The following CDKAL1 variants were observed in gnomAD, a reference collection of about 807,000 sequenced individuals.
CDKAL1 encodes CDKAL1 threonylcarbamoyladenosine tRNA methylthiotransferase.
A neutral mutation model predicts 68.2 loss-of-function variants in CDKAL1; 32 were observed. That is an observed-to-expected ratio of 0.47 (90% CI 0.35 to 0.63). CDKAL1 has a LOEUF of 0.63. Ranked by LOEUF, CDKAL1 falls within the 30% of genes least tolerant of loss-of-function variation. CDKAL1 has a pLI of 0.00. For missense variants in CDKAL1, 606 were observed against 696.7 expected (o/e 0.87, Z 1.47); for synonymous variants, 234 against 244.3 (o/e 0.96, Z 0.39).
intron 9 of CDKAL1, among the ~76,000 whole-genome samples, chr6:20,953,912 C>T (rs1390183608): frequency 6.6e-6 from 1 of 152,064 alleles, no homozygotes; most frequent in Admixed American, 6.6e-5. Context: ...ATGTATTGAG[C>T]TTTTTATTTT....
intron 5 of CDKAL1, among the ~76,000 whole-genome samples, chr6:20,703,538 A>G (rs1221133234): frequency 1.3e-5 from 2 of 152,160 alleles, no homozygotes; most frequent in African/African-American, 2.4e-5. Flanking sequence ...AAAAATATAT[A>G]TATAGCTATT....
At chr6:20,587,709 G>T (rs1472951296) in intron 4 of CDKAL1, among the ~76,000 whole-genome samples, 1 of 152,028 alleles carries the variant, frequency 6.6e-6, no homozygotes, top group African/African-American at 2.4e-5. Flanking sequence ...CTCCAGCCTG[G>T]GCAACAGAGT....
At chr6:20,776,237 G>T (rs746981035) in intron 7 of CDKAL1, among the ~76,000 whole-genome samples, 1 of 152,152 alleles carries the variant, frequency 6.6e-6, no homozygotes, top group East Asian at 1.9e-4. Flanking sequence ...AGTCATTATT[G>T]AATTCTTGGC....
intron 11 of CDKAL1, among the ~76,000 whole-genome samples, chr6:21,008,538 G>A (rs1376791417): frequency 6.6e-6 from 1 of 152,124 alleles, no homozygotes; most frequent in African/African-American, 2.4e-5. Flanking sequence ...ACTGGGCTGG[G>A]GGCTCTGGAG....
intron 8 of CDKAL1, among the ~76,000 whole-genome samples, chr6:20,784,668 G>A (rs893398754): frequency 2.6e-5 from 4 of 151,278 alleles, no homozygotes; most frequent in African/African-American, 7.3e-5. Flanking sequence ...TGTGATCCAC[G>A]CACCTCGGTC....
intron 10 of CDKAL1, among the ~76,000 whole-genome samples, chr6:20,974,723 A>G (rs556512367): frequency 6.6e-6 from 1 of 152,038 alleles, no homozygotes; most frequent in East Asian, 1.9e-4. Context: ...TCGTGCTTGT[A>G]ATCCCAGCAC....
chr6:20,700,398 G>A lies in CDKAL1; in HGVS notation c.372-39121G>A, dbSNP rs370730905. ...TAAATAAAAGTTAAACTGAATGATA[G>A]TGACTCCCCTAACATGTGTGCCTTA... On this transcript the variant is annotated intron_variant, in intron 5 of 15. Coordinates refer to ENST00000274695, the MANE Select transcript of CDKAL1 (RefSeq NM_017774.3). 4.6e-5 allele frequency among the ~76,000 whole-genome samples: 7 copies of A among 152,066 alleles called. 1 individual carries two copies. Among genetic ancestry groups the A allele is most frequent in the African/African-American group, 1.7e-4 (7 of 41,490 alleles).
At chr6:21,169,317 C>T (rs2151072890) in intron 13 of CDKAL1, among the ~76,000 whole-genome samples, 1 of 152,266 alleles carries the variant, frequency 6.6e-6, no homozygotes, top group East Asian at 1.9e-4. Flanking sequence ...TGTTTTCTGA[C>T]AAGATGAAAA....
At chr6:21,209,674 G>T (rs940978285) in intron 15 of CDKAL1, among the ~76,000 whole-genome samples, 7 of 152,172 alleles carry the variant, frequency 4.6e-5, no homozygotes, top group African/African-American at 1.7e-4. Context: ...ATCTAAAAGG[G>T]ATCCCTTAAG....
intron 5 of CDKAL1, among the ~76,000 whole-genome samples, chr6:20,652,285 A>G (rs559488236): frequency 6.6e-6 from 1 of 152,272 alleles, no homozygotes; most frequent in South Asian, 2.1e-4. Flanking sequence ...ATCAATGCAT[A>G]CTTTGTGAAG....
intron 9 of CDKAL1, among the ~76,000 whole-genome samples, chr6:20,904,822 C>T (rs942647998): frequency 1.3e-5 from 2 of 151,874 alleles, no homozygotes; most frequent in South Asian, 4.2e-4. Context: ...AAAGTCACTA[C>T]ATGTGGCCAG....
At chr6:20,928,654 A>G (rs1305306787) in intron 9 of CDKAL1, among the ~76,000 whole-genome samples, 3 of 149,628 alleles carry the variant, frequency 2.0e-5, no homozygotes, top group Non-Finnish European at 4.5e-5. Flanking sequence ...CGTTTATTCT[A>G]CTGGAGATTG....
In CDKAL1 at chr6:20,546,411, G is replaced by T; in HGVS notation, c.61G>T (p.Asp21Tyr). The change falls in exon 3 of 16, where the codon GAT (aspartate) becomes TAT (tyrosine). Residue 21 changes from aspartate to tyrosine, a missense_variant. Asp to Tyr is a radical substitution (Grantham distance 160). Coordinates refer to ENST00000274695, the MANE Select transcript of CDKAL1 (RefSeq NM_017774.3). The part of the protein sequence containing the change: ...DDIEDIVSQE[D>Y]SKPQDRHFVR... ...CATCGAAGATATCGTGTCTCAGGAAGATTCAAAACCACAAGATAGGCATTT... is the reference window on the plus strand; with the variant it reads ...CATCGAAGATATCGTGTCTCAGGAATATTCAAAACCACAAGATAGGCATTT... The T allele has an allele frequency of 6.2e-7, 1 of 1,614,120 alleles. No homozygotes were observed. The highest frequency in any genetic ancestry group is 8.5e-7 in the Non-Finnish European group (1 of 1,179,972).
At chr6:20,803,878 G>A (rs1242808219) in intron 8 of CDKAL1, among the ~76,000 whole-genome samples, 4 of 152,138 alleles carry the variant, frequency 2.6e-5, no homozygotes, top group Non-Finnish European at 1.5e-5. Context: ...ATATGGGATC[G>A]AGAATGTAGG....
chr6:21,115,780 T>G (rs1230444343), intron 13 of CDKAL1, among the ~76,000 whole-genome samples: 2 of 152,216 alleles, frequency 1.3e-5, no homozygotes, highest in African/African-American at 4.8e-5. Context: ...ATCCATTTCC[T>G]CATCCTCATT....
chr6:20,962,472 G>A (rs1185673330), intron 10 of CDKAL1, among the ~76,000 whole-genome samples: 2 of 152,158 alleles, frequency 1.3e-5, no homozygotes. Flanking sequence ...CTGAAAGACA[G>A]TAGATACCTG....
chr6:20,780,918 C>T (rs1775398710), intron 7 of CDKAL1, among the ~76,000 whole-genome samples: 1 of 152,120 alleles, frequency 6.6e-6, no homozygotes. Context: ...AGGTGATCCA[C>T]CCACCTTGGC....
Position 20,846,160 on chromosome 6 carries a change from G to A in CDKAL1, c.724G>A (p.Ala242Thr). 6.2e-7 allele frequency: 1 copy of A among 1,606,560 alleles called. No homozygotes were observed. Among genetic ancestry groups the A allele is most frequent in the Non-Finnish European group, 8.5e-7 (1 of 1,174,370 alleles). ...TCCAATTGATGAACTAGTAGATAGAGCCAAACAATCTTTTCAAGGTAAGAG... is the reference window on the plus strand; with the variant it reads ...TCCAATTGATGAACTAGTAGATAGAACCAAACAATCTTTTCAAGGTAAGAG... The part of the protein sequence containing the change: ...SYPIDELVDR[A>T]KQSFQEGVCE... The change falls in exon 9 of 16, where the codon GCC becomes ACC. Residue 242 changes from alanine (A) to threonine (T), a missense_variant. Ala to Thr is a moderately conservative substitution (Grantham distance 58). Coordinates refer to ENST00000274695, the MANE Select transcript of CDKAL1 (RefSeq NM_017774.3).
At chr6:20,712,236 A>C (rs543891746) in intron 5 of CDKAL1, among the ~76,000 whole-genome samples, 2 of 152,332 alleles carry the variant, frequency 1.3e-5, no homozygotes, top group East Asian at 3.9e-4. Flanking sequence ...TGCTCGGGGC[A>C]GTATGCAGGG....
Sources: gnomAD v4.1 joint callset for allele counts (sites outside exome capture counted in the v4.1 genomes callset) on GRCh38, gnomAD v4.1.1 for gene constraint, MANE v1.5 for transcripts, NCBI Gene and HGNC (gene_info 2026-07-23, HGNC 2026-07-21) for gene names.